The following TTC28 variants were observed in gnomAD, a reference collection of about 807,000 sequenced individuals.
The protein encoded by TTC28 is tetratricopeptide repeat protein 28.
A neutral mutation model predicts 198.0 loss-of-function variants in TTC28; 61 were observed. The ratio of observed to expected loss-of-function variants is 0.31; its 90% confidence interval spans 0.25 to 0.38. The LOEUF (loss-of-function observed/expected upper bound fraction) is 0.38. Ranked by LOEUF, TTC28 falls within the 10% of genes least tolerant of loss-of-function variation. TTC28 has a pLI of 1.00. For synonymous variants in TTC28, 1,171 were observed against 1,297.8 expected (o/e 0.90, Z 2.10); for missense variants, 2,678 against 3,164.0 (o/e 0.85, Z 3.69).
chr22:28,238,064 G>C (rs142730476), intron 5 of TTC28, among the ~76,000 whole-genome samples: 5 of 152,038 alleles, frequency 3.3e-5, no homozygotes, highest in African/African-American at 1.2e-4. Flanking sequence ...GTTTGATTAT[G>C]TTGTGCCTAG....
chr22:28,245,358 T>A (rs1461520896), intron 5 of TTC28, among the ~76,000 whole-genome samples: 1 of 152,144 alleles, frequency 6.6e-6, no homozygotes, highest in Non-Finnish European at 1.5e-5. Context: ...ATAATACCAA[T>A]ACCATTATTT....
chr22:28,487,108 A>AT (rs912566873), intron 2 of TTC28, among the ~76,000 whole-genome samples: 6 of 151,498 alleles, frequency 4.0e-5, no homozygotes, highest in East Asian at 1.9e-4. Flanking sequence ...TCGATGGTGA[A>AT]TTTTTTTTTC....
chr22:28,298,771 G>A (rs188336721), intron 3 of TTC28, among the ~76,000 whole-genome samples: 1 of 151,934 alleles, frequency 6.6e-6, no homozygotes, highest in African/African-American at 2.4e-5. Flanking sequence ...GAATCTGAAC[G>A]ACAGATTAAT....
At chr22:28,511,596 G>T (rs936424191) in intron 2 of TTC28, among the ~76,000 whole-genome samples, 35 of 152,078 alleles carry the variant, frequency 2.3e-4, no homozygotes, top group African/African-American at 7.5e-4. Flanking sequence ...GAGGCAGGTG[G>T]ATCACGAGGT....
In TTC28 at chr22:28,318,312, A is replaced by C. The variant is rs117344563; in HGVS notation, c.382-11669T>G. Among the ~76,000 whole-genome samples the C allele has an allele frequency of 9.8e-3, 1,497 of 152,186 alleles. 15 individuals carry two copies. The highest frequency in any genetic ancestry group is 0.027 in the Middle Eastern group (8 of 294). On this transcript the variant is annotated intron_variant, in intron 2 of 22. Coordinates refer to ENST00000397906, the MANE Select transcript of TTC28 (RefSeq NM_001145418.2). ...ATTTTCTTTATTCTTTCTGACCTTA[A>C]GAGTTCCCTTTTTTGCTTCTCTGAC...
intron 2 of TTC28, among the ~76,000 whole-genome samples, chr22:28,596,000 C>T (rs2050535404): frequency 6.6e-6 from 1 of 152,134 alleles, no homozygotes; most frequent in Non-Finnish European, 1.5e-5. Context: ...AAGCTCCCGA[C>T]TCTCATGGAG....
intron 12 of TTC28, among the ~76,000 whole-genome samples, chr22:28,066,144 A>T (rs1159107051): frequency 6.6e-6 from 1 of 152,050 alleles, no homozygotes; most frequent in Non-Finnish European, 1.5e-5. Context: ...AGCCTTACTG[A>T]GGCATAATTA....
chr22:28,088,301 G>A (rs1291211085), intron 12 of TTC28, among the ~76,000 whole-genome samples: 1 of 152,088 alleles, frequency 6.6e-6, no homozygotes, highest in Non-Finnish European at 1.5e-5. Context: ...CATGGTACTG[G>A]TACCAAAACA....
Position 27,983,396 on chromosome 22 carries a change from C to T in TTC28, c.6271G>A (p.Gly2091Arg), listed in dbSNP as rs1226596240. 12 of 1,550,896 alleles carry T rather than the reference C, an allele frequency of 7.7e-6. No homozygotes were observed. Among genetic ancestry groups the T allele is most frequent in the South Asian group, 2.4e-5 (2 of 84,026 alleles). Residue 2091 changes from glycine to arginine, a missense_variant, in exon 23 of 23, where the codon GGA becomes AGA. Around this residue, in one of 8 missense-constraint regions of TTC28, gnomAD observed 622 missense variants for 656.0 expected, o/e 0.95. Transcript: ENST00000397906. ...GAGCTCACCGAGACTCTCATGCCTC[C>T]GGCTGTCCCAGGTTGGGGTTGTTTG... ...DHKQPQPGTA[G>R]GMRVSVSSKG... is the part of the protein sequence containing the mutation.
intron 5 of TTC28, among the ~76,000 whole-genome samples, chr22:28,197,478 C>T (rs912353990): frequency 1.3e-5 from 2 of 151,078 alleles, no homozygotes; most frequent in African/African-American, 4.9e-5. Flanking sequence ...ACCAGATGGA[C>T]AAAAAAAGAC....
Position 28,581,681 on chromosome 22 carries a change from CAAG to C in TTC28, c.381+47868_381+47870del. Among the ~76,000 whole-genome samples the C allele has an allele frequency of 2.0e-5, 3 of 152,144 alleles. No homozygotes were observed. In the East Asian group the frequency reaches 5.8e-4, roughly 29 times the overall value. ...AATATTTCTTCCCTCTTTGGGAGGCCAAGATGGGAAGATTGCTTGAGCCCAGGA... is the reference window on the plus strand; with the variant it reads ...AATATTTCTTCCCTCTTTGGGAGGCCATGGGAAGATTGCTTGAGCCCAGGA... On this transcript the variant is annotated intron_variant, in intron 2 of 22. Transcript: ENST00000397906.
intron 2 of TTC28, among the ~76,000 whole-genome samples, chr22:28,443,567 AT>A (rs57889775): frequency 0.033 from 4,784 of 146,006 alleles, 233 homozygotes; most frequent in African/African-American, 0.11. Flanking sequence ...GTGTGTTTAG[AT>A]TTTTTTTTTT....
intron 2 of TTC28, among the ~76,000 whole-genome samples, chr22:28,616,449 G>A (rs1231466677): frequency 6.6e-6 from 1 of 152,126 alleles, no homozygotes; most frequent in East Asian, 1.9e-4. Flanking sequence ...GAAACATGAG[G>A]TCAAGATATG....
chr22:27,998,785 G>A lies in TTC28; in HGVS notation c.4874C>T (p.Ser1625Phe), dbSNP rs1937597704. The A allele has an allele frequency of 6.4e-7, 1 of 1,550,680 alleles. No homozygotes were observed. Among genetic ancestry groups the A allele is most frequent in the Non-Finnish European group, 8.7e-7 (1 of 1,147,000 alleles). ...GACTTTGCTGTTGGACTCCTGGGAG[G>A]AGCCAAGCACCACCAGCTTCACAGG... ...QLPVKLVVLGSSQESNSKVTA... is the reference protein window; with the variant it reads ...QLPVKLVVLGFSQESNSKVTA... The change falls in exon 16 of 23, where the codon TCC (serine) becomes TTC (phenylalanine). Residue 1625 changes from serine (S) to phenylalanine (F), a missense_variant. This residue lies in a region of TTC28 where 727 missense variants were observed against 861.9 expected (regional missense o/e 0.84). Transcript: ENST00000397906.
At chr22:28,374,147 G>T (rs2046376508) in intron 2 of TTC28, among the ~76,000 whole-genome samples, 1 of 152,128 alleles carries the variant, frequency 6.6e-6, no homozygotes, top group Admixed American at 6.5e-5. Context: ...AAAAGAAAAT[G>T]CAGTAAATTT....
At chr22:28,181,376 T>G (rs1389286701) in intron 5 of TTC28, among the ~76,000 whole-genome samples, 1 of 152,198 alleles carries the variant, frequency 6.6e-6, no homozygotes, top group Non-Finnish European at 1.5e-5. Flanking sequence ...GATTAGCTAT[T>G]AAGTGCAATT....
intron 2 of TTC28, among the ~76,000 whole-genome samples, chr22:28,386,440 G>C (rs998709050): frequency 6.6e-6 from 1 of 152,092 alleles, no homozygotes; most frequent in African/African-American, 2.4e-5. Flanking sequence ...TTAGTACAGT[G>C]CTGTGCAATC....
At chr22:28,231,543 T>C (rs1282233886) in intron 5 of TTC28, among the ~76,000 whole-genome samples, 1 of 152,244 alleles carries the variant, frequency 6.6e-6, no homozygotes, top group East Asian at 1.9e-4. Context: ...GAGTGGCTCA[T>C]GTCTGTAGAT....
chr22:28,536,618 C>T (rs554515020), intron 2 of TTC28, among the ~76,000 whole-genome samples: 50 of 151,796 alleles, frequency 3.3e-4, no homozygotes, highest in Non-Finnish European at 1.9e-4. Context: ...AGCGAGACTC[C>T]GTCTCAAAAA....
Sources: gnomAD v4.1 joint callset for allele counts (sites outside exome capture counted in the v4.1 genomes callset) on GRCh38, gnomAD v4.1.1 for gene constraint, gnomAD v4.1.1 regional missense constraint, MANE v1.5 for transcripts, NCBI Gene and HGNC (gene_info 2026-07-23, HGNC 2026-07-21) for gene names.